Variants in FAM135B observed in about 807,000 individuals in gnomAD.
The protein encoded by FAM135B is family with sequence similarity 135 member B.
In FAM135B, 43 loss-of-function variants were observed where a neutral mutation model predicts 127.7. The ratio of observed to expected loss-of-function variants is 0.34; its 90% CI spans 0.26 to 0.43. The LOEUF (loss-of-function observed/expected upper bound fraction) is 0.43. Among genes scored for constraint, FAM135B ranks in the 20% least tolerant of loss-of-function variants. The probability of loss-of-function intolerance (pLI) is 1.00; values close to 1 mark genes in which losing one functional copy is unlikely to be tolerated. For missense variants in FAM135B, 1,558 were observed against 1,725.6 expected, an observed-to-expected ratio of 0.90 and a Z score of 1.72; for synonymous variants, 670 against 665.1, an observed-to-expected ratio of 1.01 and a Z score of -0.11.
chr8:138,423,493 C>T (rs1374466637), intron 1 of FAM135B, among the ~76,000 whole-genome samples: 1 of 151,970 alleles, frequency 6.6e-6, no homozygotes, highest in Non-Finnish European at 1.5e-5. Flanking sequence ...TCCGTGATGC[C>T]CCACAAGCCG....
At chr8:138,458,640 T>A (rs937950253) in intron 1 of FAM135B, among the ~76,000 whole-genome samples, 62 of 152,232 alleles carry the variant, frequency 4.1e-4, no homozygotes, top group African/African-American at 1.4e-3. Flanking sequence ...TAAAGCTTTA[T>A]TGGAACACAG....
At chr8:138,305,935 A>G (rs1441815585) in intron 3 of FAM135B, among the ~76,000 whole-genome samples, 1 of 152,190 alleles carries the variant, frequency 6.6e-6, no homozygotes, top group African/African-American at 2.4e-5. Context: ...ATGTATACAT[A>G]TGCATGTATG....
intron 1 of FAM135B, among the ~76,000 whole-genome samples, chr8:138,495,078 G>A (rs1319213026): frequency 6.6e-6 from 1 of 152,154 alleles, no homozygotes; most frequent in African/African-American, 2.4e-5. Context: ...GTAGTTGATG[G>A]ATGTTTAATG....
At chr8:138,406,789 T>A (rs187630247) in intron 1 of FAM135B, among the ~76,000 whole-genome samples, 98 of 150,196 alleles carry the variant, frequency 6.5e-4, no homozygotes, top group Middle Eastern at 3.4e-3. Flanking sequence ...TATGACAAAC[T>A]CACAGCCAAA....
chr8:138,429,455 G>A (rs1048994355), intron 1 of FAM135B, among the ~76,000 whole-genome samples: 6 of 152,040 alleles, frequency 3.9e-5, no homozygotes, highest in African/African-American at 9.7e-5. Context: ...CCCATGTGAC[G>A]AACTCTATTT....
At chr8:138,305,874 A>T (rs1177014669) in intron 3 of FAM135B, among the ~76,000 whole-genome samples, 3 of 152,150 alleles carry the variant, frequency 2.0e-5, no homozygotes, top group Admixed American at 1.3e-4. Flanking sequence ...ATGTATAGAC[A>T]TTTATATGTA....
At chr8:138,245,164 C>T (rs1821179655) in intron 6 of FAM135B, among the ~76,000 whole-genome samples, 1 of 152,202 alleles carries the variant, frequency 6.6e-6, no homozygotes, top group African/African-American at 2.4e-5. Flanking sequence ...CTGTGTTTCA[C>T]TCCAGCAAGG....
intron 1 of FAM135B, among the ~76,000 whole-genome samples, chr8:138,415,511 G>A (rs1245371289): frequency 3.3e-5 from 5 of 152,190 alleles, no homozygotes; most frequent in Non-Finnish European, 7.3e-5. Flanking sequence ...TTTGGAACCT[G>A]AGACCCAGGG....
intron 7 of FAM135B, among the ~76,000 whole-genome samples, chr8:138,227,332 G>C (rs1819535359): frequency 6.6e-6 from 1 of 152,164 alleles, no homozygotes; most frequent in South Asian, 2.1e-4. Context: ...AATACAAAAT[G>C]AATCTGCAAA....
Position 138,241,246 on chromosome 8 carries a change from C to A in FAM135B, c.669+1696G>T, listed in dbSNP as rs1299705635. 6.6e-6 allele frequency among the ~76,000 whole-genome samples: 1 copy of A among 152,208 alleles called. No homozygotes were observed. Among genetic ancestry groups the A allele is most frequent in the Non-Finnish European group, 1.5e-5 (1 of 68,044 alleles). On this transcript the variant is annotated intron_variant, in intron 7 of 19. Transcript: ENST00000395297. The surrounding 1 kb of genome is among the most constrained non-coding windows in gnomAD (Gnocchi z 4.8). The stretch of plus-strand genomic sequence containing the variant: ...TTCCACTCGCTTTCTTACTCATTCA[C>A]TTCCTATGTGCTGGGCCCTGCGTCA...
chr8:138,393,294 T>G (rs1406662734), intron 1 of FAM135B, among the ~76,000 whole-genome samples: 8 of 152,140 alleles, frequency 5.3e-5, no homozygotes, highest in Non-Finnish European at 2.9e-5. Flanking sequence ...CAGAGTCAAG[T>G]GACTCTTTCA....
chr8:138,255,065 T>C (rs529239882), intron 5 of FAM135B, among the ~76,000 whole-genome samples: 20 of 147,080 alleles, frequency 1.4e-4, no homozygotes, highest in Non-Finnish European at 1.8e-4. Flanking sequence ...AGTCTTGCTC[T>C]GTCACCCAGG....
rs1048988169 is a variant in FAM135B at position 138,132,940 on chromosome 8, A to G, written c.4016-142T>C. The G allele has an allele frequency of 1.3e-5, 9 of 689,714 alleles. No individual in the cohort carries two copies. In the African/African-American group the frequency reaches 1.4e-4, roughly 11 times the overall value. 42.7% of individuals were successfully genotyped at this position (689,714 alleles called of 1,614,324 possible). A position where few individuals can be genotyped will look rare whatever the true frequency, so the allele number is the denominator to read the frequency against. Reference sequence around the variant, plus strand: ...TTCCAACCTCTTCCTAATGTTAGTGAAATTAATATGAAATAAAATCAAAGT... The same window carrying G: ...TTCCAACCTCTTCCTAATGTTAGTGGAATTAATATGAAATAAAATCAAAGT... On this transcript the variant is annotated intron_variant, in intron 19 of 19. Coordinates refer to ENST00000395297, the MANE Select transcript of FAM135B (RefSeq NM_015912.4). The surrounding 1 kb of genome is among the most constrained non-coding windows in gnomAD (Gnocchi z 4.5).
At chr8:138,229,822 A>T (rs1406064913) in intron 7 of FAM135B, among the ~76,000 whole-genome samples, 8 of 152,170 alleles carry the variant, frequency 5.3e-5, no homozygotes, top group Non-Finnish European at 1.2e-4. Context: ...ATGAGTGCTG[A>T]GAGAACGGGG....
intron 2 of FAM135B, among the ~76,000 whole-genome samples, chr8:138,329,738 G>A (rs996881012): frequency 1.3e-5 from 2 of 152,108 alleles, no homozygotes; most frequent in Non-Finnish European, 2.9e-5. Context: ...CGAAGCAGTA[G>A]GTGGGAGAAC....
At chr8:138,199,036 C>A (rs560273218) in intron 7 of FAM135B, among the ~76,000 whole-genome samples, 5 of 152,126 alleles carry the variant, frequency 3.3e-5, no homozygotes, top group Admixed American at 6.5e-5. Context: ...TTGGCTTTTG[C>A]GAGTGAGTCT....
chr8:138,288,277 T>C (rs1430389851), intron 3 of FAM135B, among the ~76,000 whole-genome samples: 2 of 152,150 alleles, frequency 1.3e-5, no homozygotes, highest in African/African-American at 4.8e-5. Flanking sequence ...CTAGGAAGTT[T>C]TATAATCTGT....
At chr8:138,474,271 G>A (rs1461879171) in intron 1 of FAM135B, among the ~76,000 whole-genome samples, 2 of 152,050 alleles carry the variant, frequency 1.3e-5, no homozygotes, top group African/African-American at 2.4e-5. Flanking sequence ...AGACCCCCAC[G>A]AACATTCCAG....
At chr8:138,445,500 T>C (rs1202263255) in intron 1 of FAM135B, among the ~76,000 whole-genome samples, 3 of 152,182 alleles carry the variant, frequency 2.0e-5, no homozygotes, top group East Asian at 1.9e-4. Flanking sequence ...TGGTTCAATA[T>C]ATGCAAATCC....
Sources: allele counts gnomAD v4.1 joint callset (sites outside exome capture counted in the v4.1 genomes callset), GRCh38; gene constraint gnomAD v4.1.1; non-coding constraint Gnocchi (gnomAD v3.1); transcripts MANE v1.5; gene names NCBI Gene and HGNC (gene_info 2026-07-23, HGNC 2026-07-21).